Variants in AKAP11 observed in about 807,000 individuals in gnomAD.
AKAP11 encodes A-kinase anchor protein 11.
Under a neutral mutation model 146.1 loss-of-function variants are expected in AKAP11, and 36 were observed. The ratio of observed to expected loss-of-function variants is 0.25; its 90% CI spans 0.19 to 0.33. The LOEUF is 0.33. Among genes scored for constraint, AKAP11 ranks in the 10% least tolerant of loss-of-function variants. AKAP11 has a pLI of 1.00. For synonymous variants in AKAP11, 780 were observed against 786.5 expected (o/e 0.99, Z 0.14); for missense variants, 2,201 against 2,197.0 (o/e 1.00, Z -0.04).
chr13:42,298,577 A>C lies in AKAP11; in HGVS notation c.396A>C (p.Thr132=). 6.2e-7 allele frequency: 1 copy of C among 1,612,678 alleles called. No individual in the cohort carries two copies. Among genetic ancestry groups the C allele is most frequent in the Non-Finnish European group, 8.5e-7 (1 of 1,179,330 alleles). The change falls in exon 7 of 13, where the codon ACA becomes ACC. Residue 132 remains threonine (T), a synonymous_variant. Transcript: ENST00000025301. The part of the protein sequence containing the change: ...GMLCVMRVSP[T]SPRLRIDFIF... ...TTTGTGTCATGAGAGTGTCACCTAC[A>C]TCACCAAGACTTAGGATTGATTTTA...
intron 8 of AKAP11, 25 bp downstream of exon 8, chr13:42,303,888 G>A (rs1323954619): frequency 1.3e-6 from 2 of 1,535,528 alleles, no homozygotes; most frequent in East Asian, 2.3e-5. Flanking sequence ...TCTTTTGGTT[G>A]TTAATGATAA....
chr13:42,278,931 C>CTT (rs201895105), intron 1 of AKAP11, among the ~76,000 whole-genome samples: 4 of 141,818 alleles, frequency 2.8e-5, no homozygotes, highest in South Asian at 2.2e-4. Flanking sequence ...TGGGTTGATG[C>CTT]TTTTTTTTTT....
At chr13:42,312,262 A>G (rs1960601167) in intron 9 of AKAP11, among the ~76,000 whole-genome samples, 1 of 152,190 alleles carries the variant, frequency 6.6e-6, no homozygotes, top group Non-Finnish European at 1.5e-5. Flanking sequence ...ATTTCTGAAC[A>G]TGGTTGCTTT....
chr13:42,315,976 T>C (rs919766927), intron 11 of AKAP11, among the ~76,000 whole-genome samples: 4 of 151,660 alleles, frequency 2.6e-5, no homozygotes, highest in African/African-American at 9.7e-5. Flanking sequence ...CAACCAGGAG[T>C]CCTGAACTGA....
intron 4 of AKAP11, among the ~76,000 whole-genome samples, chr13:42,293,286 G>A (rs2138528371): frequency 6.6e-6 from 1 of 152,268 alleles, no homozygotes; most frequent in South Asian, 2.1e-4. Context: ...AGTTGAAAAT[G>A]CATTTAAGAC....
At chr13:42,305,240 G>T (rs1171058278) in intron 8 of AKAP11, among the ~76,000 whole-genome samples, 2 of 152,158 alleles carry the variant, frequency 1.3e-5, no homozygotes, top group Admixed American at 6.5e-5. Context: ...CCAGATTTTT[G>T]AGTAGCTTCT....
At chr13:42,312,804 A>T (rs1165095638) in intron 9 of AKAP11, among the ~76,000 whole-genome samples, 1 of 152,178 alleles carries the variant, frequency 6.6e-6, no homozygotes, top group East Asian at 1.9e-4. Flanking sequence ...TTAATCTGTA[A>T]AATATAAGTT....
At chr13:42,305,512 G>T (rs1960206767) in intron 8 of AKAP11, among the ~76,000 whole-genome samples, 1 of 152,022 alleles carries the variant, frequency 6.6e-6, no homozygotes, top group South Asian at 2.1e-4. Flanking sequence ...GCTAAGAACA[G>T]ATTTCATGTT....
chr13:42,297,192 G>T lies in AKAP11; in HGVS notation c.351+10G>T. ...TGATCCTCTAAATCAGGTAACTTTTGTAGATAATTTCTAATGAGATTTTTA... is the reference window on the plus strand; with the variant it reads ...TGATCCTCTAAATCAGGTAACTTTTTTAGATAATTTCTAATGAGATTTTTA... On this transcript the variant is annotated intron_variant, in intron 6 of 12. Coordinates refer to ENST00000025301, the MANE Select transcript of AKAP11 (RefSeq NM_016248.4). 1 of 1,411,648 alleles carries T rather than the reference G, an allele frequency of 7.1e-7. No individual in the cohort carries two copies. The highest frequency in any genetic ancestry group is 9.4e-7 in the Non-Finnish European group (1 of 1,065,222). 87.4% of individuals were successfully genotyped at this position (1,411,648 alleles called of 1,614,324 possible).
At chr13:42,317,417 C>G in intron 11 of AKAP11, 111 bp from the exon 12 acceptor site, 1 of 1,127,932 alleles carries the variant, frequency 8.9e-7, no homozygotes, top group East Asian at 2.6e-5. Context: ...ATTTTTTTCA[C>G]CATTCATTAG....
intron 4 of AKAP11, among the ~76,000 whole-genome samples, chr13:42,294,357 A>G (rs183459359): frequency 2.0e-5 from 3 of 152,280 alleles, no homozygotes; most frequent in African/African-American, 7.2e-5. Context: ...TATAAATGTA[A>G]AAAGTAACAC....
rs1266260652 is a variant in AKAP11 at position 42,301,235 on chromosome 13, C to A, written c.2489C>A (p.Ala830Glu). ...HIATKNREEK[A>E]ACLRNICLPS... ...GCCACAAAAAACAGAGAAGAAAAAG[C>A]AGCTTGTCTCAGAAATATTTGTTTA... The change falls in exon 8 of 13, where the codon GCA becomes GAA. Residue 830 changes from alanine (A) to glutamate (E), a missense_variant. By Grantham distance (107) the Ala-to-Glu change is moderately radical (BLOSUM62 -1). Coordinates refer to ENST00000025301, the MANE Select transcript of AKAP11 (RefSeq NM_016248.4). 1 of 1,613,906 alleles carries A rather than the reference C, an allele frequency of 6.2e-7. No individual in the cohort carries two copies. Among genetic ancestry groups the A allele is most frequent in the South Asian group, 1.1e-5 (1 of 91,072 alleles).
At chr13:42,294,767 T>G (rs1959409928) in intron 4 of AKAP11, among the ~76,000 whole-genome samples, 1 of 152,084 alleles carries the variant, frequency 6.6e-6, no homozygotes. Context: ...CTATCATTGA[T>G]CTTATGACTT....
At chr13:42,274,520 C>T (rs1958866875) in intron 1 of AKAP11, among the ~76,000 whole-genome samples, 1 of 152,066 alleles carries the variant, frequency 6.6e-6, no homozygotes, top group African/African-American at 2.4e-5. Context: ...CCTGTCTTTA[C>T]TAAAAAATAA....
At chr13:42,307,790 T>C (rs990700445) in intron 8 of AKAP11, among the ~76,000 whole-genome samples, 1 of 151,552 alleles carries the variant, frequency 6.6e-6, no homozygotes, top group African/African-American at 2.4e-5. Flanking sequence ...TGGGAAGCCA[T>C]TGGAAGGTTT....
At position 42,323,025 on chromosome 13, in the gene AKAP11, A is replaced by G. The variant is rs1961149514; in HGVS notation, c.*3797A>G. ...TTATTTGGCTGTGCTCAGTTACTATATTAAGATCTTGTACTGTGTAACAGT... is the reference window on the plus strand; with the variant it reads ...TTATTTGGCTGTGCTCAGTTACTATGTTAAGATCTTGTACTGTGTAACAGT... On this transcript the variant is annotated 3_prime_UTR_variant, in exon 13 of 13. Coordinates refer to ENST00000025301, the MANE Select transcript of AKAP11 (RefSeq NM_016248.4). 2 of 152,762 alleles carry G rather than the reference A, an allele frequency of 1.3e-5. No individual in the cohort carries two copies. The highest frequency in any genetic ancestry group is 1.3e-4 in the Admixed American group (2 of 15,274). 9.5% of individuals were successfully genotyped at this position (152,762 alleles called of 1,614,324 possible).
At position 42,302,059 on chromosome 13, in the gene AKAP11, C is replaced by A; in HGVS notation, c.3313C>A (p.Pro1105Thr). 1 of 1,614,124 alleles carries A rather than the reference C, an allele frequency of 6.2e-7. No homozygotes were observed. The highest frequency in any genetic ancestry group is 1.3e-5 in the African/African-American group (1 of 75,038). The stretch of plus-strand genomic sequence containing the variant: ...AATACCTGATACTCCTCCATCAACT[C>A]CTCTAGTACCATCCCGGGCTAGTTC... ...NVIPDTPPST[P>T]LVPSRASSEW... The change falls in exon 8 of 13, where the codon CCT becomes ACT. Residue 1105 changes from proline to threonine, a missense_variant. By Grantham distance (38) the Pro-to-Thr change is conservative. Transcript: ENST00000025301.
At chr13:42,291,291 C>T (rs542294865) in intron 3 of AKAP11, among the ~76,000 whole-genome samples, 58 of 152,080 alleles carry the variant, frequency 3.8e-4, no homozygotes, top group Non-Finnish European at 6.0e-4. Context: ...CTCACTCTGT[C>T]GCCCAGGCTG....
In AKAP11 at chr13:42,308,435, C is replaced by A. The variant is rs765367018; in HGVS notation, c.5118-19C>A. On this transcript the variant is annotated intron_variant, in intron 8 of 12. Transcript: ENST00000025301. ...GGATGCTTTCAATTTGATTTTTTTT[C>A]TTTTTTTCTTCTTTTTAGTTCAAAA... is the stretch of plus-strand genomic sequence containing the variant. 6.5e-7 allele frequency: 1 copy of A among 1,538,758 alleles called. No individual in the cohort carries two copies. Among genetic ancestry groups the A allele is most frequent in the African/African-American group, 1.4e-5 (1 of 72,066 alleles).
Sources: allele counts gnomAD v4.1 joint callset (sites outside exome capture counted in the v4.1 genomes callset), GRCh38; gene constraint gnomAD v4.1.1; transcripts MANE v1.5; gene names NCBI Gene and HGNC (gene_info 2026-07-23, HGNC 2026-07-21).